NRXN1: variants seen among roughly 807,000 people sequenced by gnomAD.
NRXN1 encodes the protein neurexin-1.
Under a neutral mutation model 150.9 loss-of-function variants are expected in NRXN1, and 39 were observed. The observed-to-expected ratio is 0.26, with a 90% CI of 0.20 to 0.34. NRXN1 has a LOEUF of 0.34. NRXN1 is among the 10% of genes least tolerant of loss of function. NRXN1 has a pLI of 1.00. For missense variants in NRXN1, 1,815 were observed against 1,949.9 expected (o/e 0.93, Z 1.30); for synonymous variants, 924 against 757.0 (o/e 1.22, Z -3.62).
chr2:50,220,002 TATATA>T (rs1436650516), intron 18 of NRXN1, among the ~76,000 whole-genome samples: 3 of 35,612 alleles, frequency 8.4e-5, no homozygotes, highest in Non-Finnish European at 1.0e-4. Context: ...TAATATATAT[TATATA>T]ATATATTATA....
At chr2:50,662,776 T>A (rs1687479272) in intron 5 of NRXN1, among the ~76,000 whole-genome samples, 1 of 152,036 alleles carries the variant, frequency 6.6e-6, no homozygotes, top group African/African-American at 2.4e-5. Context: ...GGGAAATTTC[T>A]GTATCAGAGA....
intron 18 of NRXN1, among the ~76,000 whole-genome samples, chr2:50,124,417 G>A (rs1032616545): frequency 5.3e-5 from 8 of 151,944 alleles, no homozygotes; most frequent in African/African-American, 1.9e-4. Flanking sequence ...TATCACATAC[G>A]ATATTTCATT....
chr2:50,506,761 G>A (rs2092246033), intron 12 of NRXN1, 144 bp from the exon 13 acceptor site: 13 of 805,412 alleles, frequency 1.6e-5, no homozygotes, highest in East Asian at 8.4e-5. Context: ...GAGAGAGGAG[G>A]GAGAGAAAGG....
chr2:50,699,601 T>TG (rs1693442226), intron 5 of NRXN1, among the ~76,000 whole-genome samples: 1 of 152,040 alleles, frequency 6.6e-6, no homozygotes, highest in African/African-American at 2.4e-5. Flanking sequence ...CCAGGCCCCC[T>TG]GCTGACAGCC....
chr2:50,455,702 T>A (rs2087486667), intron 17 of NRXN1, among the ~76,000 whole-genome samples: 1 of 152,158 alleles, frequency 6.6e-6, no homozygotes, highest in Admixed American at 6.6e-5. Flanking sequence ...ATTGATGTCA[T>A]CAAAGATGGA....
intron 2 of NRXN1, among the ~76,000 whole-genome samples, chr2:50,983,861 C>T (rs1246171002): frequency 6.6e-6 from 1 of 152,040 alleles, no homozygotes; most frequent in East Asian, 1.9e-4. Context: ...AACTCTTCTA[C>T]ATAAAATTCT....
At chr2:50,276,223 C>G (rs1354477780) in intron 17 of NRXN1, among the ~76,000 whole-genome samples, 1 of 151,862 alleles carries the variant, frequency 6.6e-6, no homozygotes, top group Non-Finnish European at 1.5e-5. Flanking sequence ...GCAGGGAATC[C>G]TTCACCTTAT....
chr2:50,070,040 C>T (rs545369741), intron 19 of NRXN1, among the ~76,000 whole-genome samples: 19 of 151,892 alleles, frequency 1.3e-4, no homozygotes, highest in South Asian at 1.0e-3. Context: ...TTAGTAGAGA[C>T]GGGTTTTCAC....
At chr2:50,877,985 C>T (rs1184320776) in intron 5 of NRXN1, among the ~76,000 whole-genome samples, 1 of 151,792 alleles carries the variant, frequency 6.6e-6, no homozygotes, top group Non-Finnish European at 1.5e-5. Flanking sequence ...CACTCATCCA[C>T]CTCTAATGTT....
chr2:50,409,220 C>T (rs1400820639), intron 17 of NRXN1, among the ~76,000 whole-genome samples: 3 of 152,214 alleles, frequency 2.0e-5, no homozygotes, highest in Admixed American at 6.5e-5. Context: ...GCTCATGAAG[C>T]TCACCTCCTT....
At chr2:50,562,801 G>C (rs1170690497) in intron 8 of NRXN1, among the ~76,000 whole-genome samples, 1 of 151,926 alleles carries the variant, frequency 6.6e-6, no homozygotes. Context: ...GAGATTCTAT[G>C]GCTGAGCACG....
At chr2:50,620,468 A>G (rs1387035792) in intron 7 of NRXN1, among the ~76,000 whole-genome samples, 1 of 152,102 alleles carries the variant, frequency 6.6e-6, no homozygotes, top group East Asian at 1.9e-4. Context: ...CCCTACTGCA[A>G]CTCAAAAGTT....
At chr2:50,420,609 C>T (rs578154135) in intron 17 of NRXN1, among the ~76,000 whole-genome samples, 2 of 152,106 alleles carry the variant, frequency 1.3e-5, no homozygotes, top group South Asian at 4.2e-4. Flanking sequence ...TTGTGTTTAA[C>T]ATTTGACCAT....
rs78808979 is a variant in NRXN1, at chr2:49,942,526, T to C, written c.4216+1178A>G. Reference sequence around the variant, plus strand: ...CTCCTGGGATTCTAGGTGATGTCAATAGACACCACTAGCAGATAGTGGTTA... The same window carrying C: ...CTCCTGGGATTCTAGGTGATGTCAACAGACACCACTAGCAGATAGTGGTTA... On this transcript the variant is annotated intron_variant, in intron 22 of 22. Transcript: ENST00000401669. Among the ~76,000 whole-genome samples, 1,316 of 152,226 alleles carry C rather than the reference T, an allele frequency of 8.6e-3. 24 individuals are homozygous for C. Among genetic ancestry groups the C allele is most frequent in the African/African-American group, 0.029 (1,221 of 41,520 alleles).
chr2:50,941,019 C>T (rs1404996997), intron 2 of NRXN1, among the ~76,000 whole-genome samples: 1 of 152,128 alleles, frequency 6.6e-6, no homozygotes, highest in Non-Finnish European at 1.5e-5. Flanking sequence ...GTGATTGAAT[C>T]ACAGGTGCAA....
chr2:50,902,143 T>C (rs559539604), intron 5 of NRXN1, among the ~76,000 whole-genome samples: 5 of 152,296 alleles, frequency 3.3e-5, no homozygotes, highest in African/African-American at 1.2e-4. Context: ...CTTTATTAGA[T>C]GATGAGGAGT....
chr2:50,553,125 C>T (rs947834571), intron 8 of NRXN1, 100 bp from the exon 9 acceptor site: 2 of 834,958 alleles, frequency 2.4e-6, no homozygotes, highest in Non-Finnish European at 1.9e-6. Flanking sequence ...TAAAAAGGCA[C>T]ACGATATTTA....
chr2:50,944,552 AAAT>A (rs1278015064), intron 2 of NRXN1, among the ~76,000 whole-genome samples: 2 of 152,212 alleles, frequency 1.3e-5, no homozygotes, highest in Non-Finnish European at 2.9e-5. Flanking sequence ...AACAGGATAA[AAAT>A]AACTTAAATG....
At chr2:50,915,202 T>C (rs1685047972) in intron 5 of NRXN1, among the ~76,000 whole-genome samples, 1 of 151,646 alleles carries the variant, frequency 6.6e-6, no homozygotes, top group African/African-American at 2.4e-5. Context: ...ATTTTTCCAA[T>C]ATAGACACCT....
Sources: allele counts gnomAD v4.1 joint callset (sites outside exome capture counted in the v4.1 genomes callset), GRCh38; gene constraint gnomAD v4.1.1; transcripts MANE v1.5; gene names NCBI Gene and HGNC (gene_info 2026-07-23, HGNC 2026-07-21).